ST7: variants seen among roughly 807,000 people sequenced by gnomAD.
ST7 encodes suppressor of tumorigenicity 7 protein.
In ST7, 28 loss-of-function variants were observed where a neutral mutation model predicts 78.7. The observed-to-expected ratio is 0.36, with a 90% confidence interval of 0.26 to 0.49. The LOEUF is 0.49. ST7 is among the 20% of genes least tolerant of loss of function. The pLI, the probability that ST7 is intolerant of heterozygous loss-of-function variation, is 0.99. For synonymous variants in ST7, 247 were observed against 249.6 expected (o/e 0.99, Z 0.10); for missense variants, 418 against 696.0 (o/e 0.60, Z 4.49).
At chr7:116,969,230 T>C (rs2116238141) in intron 1 of ST7, among the ~76,000 whole-genome samples, 1 of 152,350 alleles carries the variant, frequency 6.6e-6, no homozygotes, top group South Asian at 2.1e-4. Flanking sequence ...CAGACTTTCC[T>C]TGTTTTTGAT....
intron 1 of ST7, chr7:117,090,782 T>C (rs1187330239): frequency 6.0e-6 from 1 of 166,938 alleles, no homozygotes; most frequent in Non-Finnish European, 1.5e-5. Context: ...TTCCTGTAAC[T>C]AAAAGGGAAC....
chr7:117,102,017 C>T (rs1476718499), intron 2 of ST7, among the ~76,000 whole-genome samples: 3 of 152,124 alleles, frequency 2.0e-5, no homozygotes, highest in East Asian at 3.8e-4. Flanking sequence ...GAAGTTTTCC[C>T]TGTTCTTTAG....
chr7:117,115,886 C>T (rs1802841595), intron 2 of ST7, among the ~76,000 whole-genome samples: 1 of 152,170 alleles, frequency 6.6e-6, no homozygotes, highest in Admixed American at 6.5e-5. Context: ...ATCATCCACC[C>T]AGTCAACCTT....
At chr7:117,131,551 G>A (rs902513861) in intron 5 of ST7, among the ~76,000 whole-genome samples, 22 of 151,994 alleles carry the variant, frequency 1.4e-4, no homozygotes, top group African/African-American at 4.6e-4. Context: ...AAGGTTGGTA[G>A]CAATGTCATC....
At chr7:116,972,036 G>GGA in intron 1 of ST7, 1 of 460,386 alleles carries the variant, frequency 2.2e-6, no homozygotes, top group Non-Finnish European at 4.2e-6. Context: ...GGGAGGAGCG[G>GGA]GAGGCAAAAG....
chr7:117,138,931 A>AT (rs1167754817), intron 9 of ST7, among the ~76,000 whole-genome samples: 2 of 151,964 alleles, frequency 1.3e-5, no homozygotes, highest in African/African-American at 4.8e-5. Flanking sequence ...TAGCAAACTG[A>AT]TTTTTTTTCT....
intron 1 of ST7, among the ~76,000 whole-genome samples, chr7:117,071,432 A>G (rs772688589): frequency 3.0e-4 from 46 of 152,192 alleles, no homozygotes; most frequent in Non-Finnish European, 5.3e-4. Context: ...TTTAACATTT[A>G]ATATTCTATG....
intron 1 of ST7, among the ~76,000 whole-genome samples, chr7:117,054,762 G>C (rs1350960199): frequency 6.6e-6 from 1 of 152,156 alleles, no homozygotes; most frequent in African/African-American, 2.4e-5. Context: ...ACCAGTATCT[G>C]ACAGATGTTT....
intron 1 of ST7, among the ~76,000 whole-genome samples, chr7:117,082,489 T>G (rs1450314073): frequency 6.6e-6 from 1 of 152,198 alleles, no homozygotes; most frequent in Admixed American, 6.5e-5. Context: ...ATATTTAGGA[T>G]TTTTATAAAG....
chr7:117,175,407 T>C (rs1030646757), intron 10 of ST7, among the ~76,000 whole-genome samples: 4 of 152,200 alleles, frequency 2.6e-5, no homozygotes, highest in Non-Finnish European at 5.9e-5. Flanking sequence ...TTCTTATTCA[T>C]TGTCATTTGT....
chr7:116,983,759 T>C (rs1794069998), intron 1 of ST7, among the ~76,000 whole-genome samples: 1 of 152,084 alleles, frequency 6.6e-6, no homozygotes, highest in African/African-American at 2.4e-5. Flanking sequence ...CACCTATGAC[T>C]TTAGAACTAT....
chr7:117,016,976 A>G (rs148606165), intron 1 of ST7, among the ~76,000 whole-genome samples: 2 of 152,278 alleles, frequency 1.3e-5, no homozygotes, highest in East Asian at 3.9e-4. Context: ...CAAAACTGAT[A>G]TTTGATGATT....
chr7:117,088,611 A>G (rs1366654679), intron 1 of ST7, among the ~76,000 whole-genome samples: 1 of 152,202 alleles, frequency 6.6e-6, no homozygotes. Flanking sequence ...TCAGCTTTGT[A>G]GCATGTAATC....
chr7:117,026,846 C>T (rs1479699153), intron 1 of ST7, among the ~76,000 whole-genome samples: 4 of 152,180 alleles, frequency 2.6e-5, no homozygotes, highest in Non-Finnish European at 4.4e-5. Flanking sequence ...AGAGATGTCA[C>T]TTCTTAAGGC....
intron 10 of ST7, among the ~76,000 whole-genome samples, chr7:117,176,852 C>A (rs1378355448): frequency 6.6e-6 from 1 of 152,078 alleles, no homozygotes; most frequent in African/African-American, 2.4e-5. Context: ...AAATACTCAC[C>A]ACAAAATTTG....
At chr7:116,971,943 ATGT>A (rs1241293425) in intron 1 of ST7, among the ~76,000 whole-genome samples, 1 of 152,212 alleles carries the variant, frequency 6.6e-6, no homozygotes, top group Admixed American at 6.5e-5. Context: ...ATTCCCTTAA[ATGT>A]TGTTTCCAAA....
chr7:117,218,145 A>G (rs1204957863), intron 13 of ST7, among the ~76,000 whole-genome samples: 1 of 152,260 alleles, frequency 6.6e-6, no homozygotes, highest in Non-Finnish European at 1.5e-5. Flanking sequence ...ATTTAAAACT[A>G]AAAATATTGC....
chr7:117,038,371 G>A lies in ST7; in HGVS notation c.152-61391G>A, dbSNP rs189024505. The stretch of plus-strand genomic sequence containing the variant: ...ACACAACAGCATTTTAATCTTTCCA[G>A]TGTCTAAAGCAATTTTTTTTAACAT... On this transcript the variant is annotated intron_variant, in intron 1 of 15. Coordinates refer to ENST00000323984, the MANE Select transcript of ST7 (RefSeq NM_001369598.1). Among the ~76,000 whole-genome samples, 18 of 152,272 alleles carry A rather than the reference G, an allele frequency of 1.2e-4. No homozygotes were observed. In the East Asian group the frequency reaches 3.5e-3, roughly 29 times the overall value.
chr7:117,055,151 G>A (rs1357568446), intron 1 of ST7, among the ~76,000 whole-genome samples: 2 of 152,018 alleles, frequency 1.3e-5, no homozygotes, highest in African/African-American at 2.4e-5. Context: ...TGACATGTGG[G>A]TACTGTTGTT....
Sources: allele counts gnomAD v4.1 joint callset (sites outside exome capture counted in the v4.1 genomes callset), GRCh38; gene constraint gnomAD v4.1.1; transcripts MANE v1.5; gene names NCBI Gene and HGNC (gene_info 2026-07-23, HGNC 2026-07-21).